Variants in ITGA11 observed in about 807,000 individuals in gnomAD.
ITGA11 encodes integrin subunit alpha 11.
ITGA11 carries 97 observed loss-of-function variants against 141.9 expected under a neutral mutation model. The observed-to-expected ratio is 0.68, with a 90% CI of 0.58 to 0.81. The LOEUF is 0.81. ITGA11 is among the 30% of genes least tolerant of loss of function. The probability of loss-of-function intolerance (pLI) is 0.00; values close to 1 mark genes in which losing one functional copy is unlikely to be tolerated. For missense variants in ITGA11, 1,387 were observed against 1,559.2 expected (o/e 0.89, Z 1.86); for synonymous variants, 658 against 624.6 (o/e 1.05, Z -0.80).
chr15:68,314,134 C>T (rs1274630287), intron 22 of ITGA11, among the ~76,000 whole-genome samples: 1 of 152,182 alleles, frequency 6.6e-6, no homozygotes, highest in Non-Finnish European at 1.5e-5. Context: ...CCTGGCCTGG[C>T]ACGGACTGGA....
chr15:68,431,959 C>A (rs1897278930), intron 1 of ITGA11, 56 bp downstream of exon 1: 1 of 1,201,860 alleles, frequency 8.3e-7, no homozygotes, highest in Non-Finnish European at 1.1e-6. Flanking sequence ...ATCCAAGCCC[C>A]GAGGGCCCAG....
chr15:68,400,312 A>T (rs1896435645), intron 2 of ITGA11, among the ~76,000 whole-genome samples: 1 of 151,728 alleles, frequency 6.6e-6, no homozygotes, highest in South Asian at 2.1e-4. Context: ...AAAACATCAA[A>T]CTTCTAGAAG....
intron 1 of ITGA11, among the ~76,000 whole-genome samples, chr15:68,410,212 G>A (rs777330220): frequency 1.2e-4 from 19 of 152,226 alleles, no homozygotes; most frequent in African/African-American, 1.7e-4. Context: ...GAACCTAAGC[G>A]TGAACACCTC....
intron 3 of ITGA11, among the ~76,000 whole-genome samples, chr15:68,368,860 C>CAT: frequency 7.4e-6 from 1 of 134,852 alleles, no homozygotes; most frequent in Non-Finnish European, 1.5e-5. Flanking sequence ...ACAGGAAGTC[C>CAT]TTTTTTTTTT....
chr15:68,356,264 T>TTA (rs1299794430), intron 7 of ITGA11, among the ~76,000 whole-genome samples: 2 of 150,834 alleles, frequency 1.3e-5, no homozygotes, highest in Non-Finnish European at 3.0e-5. Flanking sequence ...CCCGGCTAAT[T>TTA]TGTTTTTTTT....
intron 10 of ITGA11, among the ~76,000 whole-genome samples, chr15:68,339,973 C>T (rs1221452952): frequency 1.3e-5 from 2 of 152,144 alleles, no homozygotes; most frequent in Admixed American, 6.5e-5. Context: ...CTTTAGGGAC[C>T]GTCTCGCCAC....
intron 2 of ITGA11, among the ~76,000 whole-genome samples, chr15:68,397,867 G>T (rs1314040011): frequency 1.4e-5 from 2 of 144,820 alleles, no homozygotes; most frequent in African/African-American, 2.5e-5. Context: ...TTAAAGAAAA[G>T]AATCTTCAAC....
At position 68,321,457 on chromosome 15, in the gene ITGA11, T is replaced by C. The variant is rs1449861709; in HGVS notation, c.2369A>G (p.Asp790Gly). The C allele has an allele frequency of 7.5e-6, 12 of 1,593,928 alleles. No homozygotes were observed. The highest frequency in any genetic ancestry group is 1.0e-5 in the Non-Finnish European group (12 of 1,170,154). Residue 790 changes from aspartate (D) to glycine (G), a missense_variant, in exon 19 of 30, where the codon GAC (aspartate) becomes GGC (glycine). Asp to Gly is a moderately conservative substitution (Grantham distance 94). Transcript: ENST00000315757. The surrounding 1 kb of genome is among the most constrained non-coding windows in gnomAD (Gnocchi z 4.9). ...GCNEDEHCVP[D>G]LVLDARSDLP... is the part of the protein sequence containing the mutation. ...GTCACTCCGGGCATCCAACACAAGG[T>C]CAGGGACACAGTGCTCATCCTCATT...
intron 3 of ITGA11, 27 bp from the exon 4 acceptor site, chr15:68,364,825 G>C (rs372468326): frequency 2.9e-5 from 47 of 1,600,728 alleles, no homozygotes; most frequent in Non-Finnish European, 3.5e-5. Flanking sequence ...AGTTCAGCTT[G>C]CAGCCCCCTC....
At chr15:68,390,488 T>TG (rs926595457) in intron 2 of ITGA11, among the ~76,000 whole-genome samples, 16 of 152,172 alleles carry the variant, frequency 1.1e-4, no homozygotes, top group African/African-American at 3.6e-4. Context: ...AGCGGATCCT[T>TG]GGGGGGTTAC....
At chr15:68,342,848 C>T (rs72743237) in intron 10 of ITGA11, among the ~76,000 whole-genome samples, 10 of 152,154 alleles carry the variant, frequency 6.6e-5, no homozygotes, top group Non-Finnish European at 7.3e-5. Flanking sequence ...TGGTCCCTTA[C>T]GGCAGAGTTA....
chr15:68,432,061 G>T lies in ITGA11; in HGVS notation c.6C>A (p.Asp2Glu). ...AGGCCACCACCAGGCCCCTGGGCAG[G>T]TCCATGGCCCGCGGCACGGCGGCTG... M[D>E]LPRGLVVAWA... Residue 2 changes from aspartate to glutamate, a missense_variant, in exon 1 of 30, where the codon GAC (aspartate) becomes GAA (glutamate). By Grantham distance (45) the Asp-to-Glu change is conservative (BLOSUM62 2). Transcript: ENST00000315757. 9 of 1,367,846 alleles carry T rather than the reference G, an allele frequency of 6.6e-6. No homozygotes were observed. The highest frequency in any genetic ancestry group is 2.0e-5 in the South Asian group (1 of 50,002). The allele number at this position is 1,367,846 out of a possible 1,614,324, so 84.7% of individuals were successfully genotyped here.
intron 2 of ITGA11, among the ~76,000 whole-genome samples, chr15:68,374,540 C>G (rs1296750463): frequency 6.6e-6 from 1 of 152,188 alleles, no homozygotes; most frequent in African/African-American, 2.4e-5. Flanking sequence ...TTCCCCCAAG[C>G]CATGGAGGGC....
chr15:68,318,428 A>G (rs2140283756), intron 20 of ITGA11, among the ~76,000 whole-genome samples: 1 of 152,292 alleles, frequency 6.6e-6, no homozygotes, highest in East Asian at 1.9e-4. Context: ...CCTGAAATCC[A>G]GACAGACACA....
At chr15:68,369,849 T>C (rs1895533901) in intron 2 of ITGA11, among the ~76,000 whole-genome samples, 2 of 152,344 alleles carry the variant, frequency 1.3e-5, no homozygotes, top group South Asian at 2.1e-4. Flanking sequence ...CCAATGCCTT[T>C]GCAACCTTCT....
rs1893959838 is a variant in ITGA11 at position 68,325,943 on chromosome 15, GC to G, written c.2212-703del. On this transcript the variant is annotated intron_variant, in intron 17 of 29. Coordinates refer to ENST00000315757, the MANE Select transcript of ITGA11 (RefSeq NM_001004439.2). The surrounding 1 kb of genome is among the most constrained non-coding windows in gnomAD (Gnocchi z 5.5). ...GGTGCTGGCGCCAGCCCCAGCCCCA[GC>G]CCCAGAGTTTCTGAGTCAGAACAAG... Among the ~76,000 whole-genome samples the G allele has an allele frequency of 1.3e-5, 2 of 152,232 alleles. No individual in the cohort carries two copies. Among genetic ancestry groups the G allele is most frequent in the Non-Finnish European group, 2.9e-5 (2 of 68,032 alleles).
intron 1 of ITGA11, among the ~76,000 whole-genome samples, chr15:68,405,766 C>T (rs1172301469): frequency 2.0e-5 from 3 of 152,140 alleles, no homozygotes; most frequent in Middle Eastern, 3.4e-3. Flanking sequence ...GTGCAGAGCT[C>T]GGAGCTTGGT....
chr15:68,403,036 CA>C lies in ITGA11; in HGVS notation c.53-8del. 6.3e-7 allele frequency: 1 copy of C among 1,598,498 alleles called. No homozygotes were observed. The highest frequency in any genetic ancestry group is 1.1e-5 in the South Asian group (1 of 90,128). On this transcript the variant is annotated splice_polypyrimidine_tract_variant and splice_region_variant and intron_variant, in intron 1 of 29. Transcript: ENST00000315757. ...TTGAAGGTGTCCGTGAACCCTGAGG[CA>C]GGGGGAGAGGAGAGGAGAAGCAGGG...
intron 1 of ITGA11, among the ~76,000 whole-genome samples, chr15:68,413,569 T>A (rs1248860812): frequency 6.6e-6 from 1 of 152,180 alleles, no homozygotes. Context: ...TGAGTTCTAA[T>A]CTCAGCTTTG....
Sources: gnomAD v4.1 joint callset for allele counts (sites outside exome capture counted in the v4.1 genomes callset) on GRCh38, gnomAD v4.1.1 for gene constraint, Gnocchi (gnomAD v3.1) non-coding constraint, MANE v1.5 for transcripts, NCBI Gene and HGNC (gene_info 2026-07-23, HGNC 2026-07-21) for gene names.